Variants in ZHX1 observed in about 807,000 individuals in gnomAD.
The protein encoded by ZHX1 is zinc fingers and homeoboxes 1.
ZHX1 carries 20 observed loss-of-function variants against 61.8 expected under a neutral mutation model. That is an observed-to-expected ratio of 0.32 (90% CI 0.23 to 0.47). ZHX1 has a LOEUF of 0.47. ZHX1 is among the 20% of genes least tolerant of loss of function. The pLI, the probability that ZHX1 is intolerant of heterozygous loss-of-function variation, is 1.00. For missense variants in ZHX1, 800 were observed against 1,034.8 expected, an observed-to-expected ratio of 0.77 and a Z score of 3.11; for synonymous variants, 318 against 352.6, an observed-to-expected ratio of 0.90 and a Z score of 1.10.
At chr8:123,265,921 T>C (rs547478625) in intron 2 of ZHX1, among the ~76,000 whole-genome samples, 26 of 152,212 alleles carry the variant, frequency 1.7e-4, no homozygotes, top group Non-Finnish European at 3.4e-4. Context: ...TATCTGTTTT[T>C]TTCCATCTGA....
rs141199553 is a variant in ZHX1, at chr8:123,253,517, G to A, written c.2430C>T (p.Gly810=). 1.4e-3 allele frequency: 2,273 copies of A among 1,614,042 alleles called. 2 individuals carry two copies. The highest frequency in any genetic ancestry group is 1.9e-3 in the Non-Finnish European group (2,202 of 1,179,994). Residue 810 remains glycine (G), a synonymous_variant, in exon 3 of 4, where the codon GGC becomes GGT. Coordinates refer to ENST00000395571, the MANE Select transcript of ZHX1 (RefSeq NM_007222.5). The part of the protein sequence containing the change: ...LDELVNKSHM[G]YEQVREWFAE... The stretch of plus-strand genomic sequence containing the variant: ...CAAACCACTCTCTGACCTGCTCATA[G>A]CCCATATGTGATTTGTTAACAAGTT...
intron 1 of ZHX1, among the ~76,000 whole-genome samples, chr8:123,269,787 T>C (rs951579384): frequency 1.2e-4 from 18 of 152,344 alleles, no homozygotes; most frequent in African/African-American, 4.3e-4. Context: ...TAGAACACAA[T>C]GAATGTTAGC....
At chr8:123,262,276 T>C (rs1225126510) in intron 2 of ZHX1, among the ~76,000 whole-genome samples, 1 of 152,234 alleles carries the variant, frequency 6.6e-6, no homozygotes, top group Non-Finnish European at 1.5e-5. Context: ...TTAATTGCTA[T>C]ACTGCCATTA....
intron 2 of ZHX1, among the ~76,000 whole-genome samples, chr8:123,266,820 T>A (rs1563814653): frequency 6.6e-6 from 1 of 152,200 alleles, no homozygotes; most frequent in East Asian, 1.9e-4. Flanking sequence ...ACTCTTATAA[T>A]TAACTATTAT....
intron 1 of ZHX1, among the ~76,000 whole-genome samples, chr8:123,269,270 T>C (rs772142124): frequency 2.0e-5 from 3 of 152,198 alleles, no homozygotes; most frequent in Non-Finnish European, 4.4e-5. Flanking sequence ...AATTGCAAGA[T>C]ATTTTACCGA....
In ZHX1 at chr8:123,254,124, G is replaced by C. The variant is rs755548464; in HGVS notation, c.1823C>G (p.Thr608Ser). 1 of 1,614,060 alleles carries C rather than the reference G, an allele frequency of 6.2e-7. No homozygotes were observed. Among genetic ancestry groups the C allele is most frequent in the East Asian group, 2.2e-5 (1 of 44,888 alleles). ...LNRLRAQTKL[T>S]RREIDAWFTE... ...AAACCAAGCATCGATTTCTCTTCTG[G>C]TAAGTTTGGTTTGTGCCCTTAACCT... Residue 608 changes from threonine to serine, a missense_variant, in exon 3 of 4, where the codon ACC becomes AGC. Coordinates refer to ENST00000395571, the MANE Select transcript of ZHX1 (RefSeq NM_007222.5). This position sits in a 1 kb window ranked among gnomAD's most constrained non-coding sequence, Gnocchi z 4.1.
upstream of ZHX1, among the ~76,000 whole-genome samples, chr8:123,275,089 A>G (rs1233078074): frequency 6.6e-6 from 1 of 152,140 alleles, no homozygotes; most frequent in Non-Finnish European, 1.5e-5. Context: ...GGCAAGGCGG[A>G]GCCGCCCTCT....
At chr8:123,264,426 C>T (rs1008292410) in intron 2 of ZHX1, among the ~76,000 whole-genome samples, 3 of 152,192 alleles carry the variant, frequency 2.0e-5, no homozygotes, top group Non-Finnish European at 2.9e-5. Context: ...AACAGAGCCA[C>T]AACTGCACTG....
At chr8:123,257,847 G>C (rs1826121717) in intron 2 of ZHX1, among the ~76,000 whole-genome samples, 1 of 152,132 alleles carries the variant, frequency 6.6e-6, no homozygotes, top group Non-Finnish European at 1.5e-5. Context: ...TGGCACAGGG[G>C]TTGGGGACCC....
intron 2 of ZHX1, 35 bp from the exon 3 acceptor site, chr8:123,256,206 G>T: frequency 3.1e-6 from 1 of 327,790 alleles, no homozygotes; most frequent in Non-Finnish European, 5.7e-6. Flanking sequence ...GTTTTAAAAT[G>T]AGTAACTATG....
intron 1 of ZHX1, among the ~76,000 whole-genome samples, chr8:123,271,842 A>C (rs1318116952): frequency 6.6e-6 from 1 of 152,232 alleles, no homozygotes; most frequent in Non-Finnish European, 1.5e-5. Context: ...ATCATGCATG[A>C]ACTACCCCCC....
chr8:123,254,081 T>G lies in ZHX1; in HGVS notation c.1866A>C (p.Ser622=), dbSNP rs1329811056. Residue 622 remains serine, a synonymous_variant, in exon 3 of 4, where the codon TCA becomes TCC. Coordinates refer to ENST00000395571, the MANE Select transcript of ZHX1 (RefSeq NM_007222.5). This position sits in a 1 kb window ranked among gnomAD's most constrained non-coding sequence, Gnocchi z 4.1. ...IDAWFTEKKK[S]KALKEEKMEI... ...CCATTTTCTCTTCCTTTAAAGCTTT[T>G]GATTTCTTCTTCTCTGTAAACCAAG... The G allele has an allele frequency of 6.2e-7, 1 of 1,614,114 alleles. No individual in the cohort carries two copies.
In ZHX1 at chr8:123,255,962, A is replaced by G. The variant is rs1586823997; in HGVS notation, c.-16T>C. ...TGCTTGCCATTCTGATGTTATGAGG[A>G]AAAGCTCAGTGGTGATTAAAAAGCA... is the stretch of plus-strand genomic sequence containing the variant. On this transcript the variant is annotated 5_prime_UTR_variant, in exon 3 of 4. Coordinates refer to ENST00000395571, the MANE Select transcript of ZHX1 (RefSeq NM_007222.5). 1 of 1,591,636 alleles carries G rather than the reference A, an allele frequency of 6.3e-7. No homozygotes were observed. The highest frequency in any genetic ancestry group is 8.6e-7 in the Non-Finnish European group (1 of 1,168,102).
chr8:123,274,274 G>A lies in ZHX1; in HGVS notation c.-397C>T, dbSNP rs1826768097. 2.0e-5 allele frequency: 3 copies of A among 152,782 alleles called. No individual in the cohort carries two copies. Among genetic ancestry groups the A allele is most frequent in the Admixed American group, 1.3e-4 (2 of 15,288 alleles). 9.5% of individuals were successfully genotyped at this position (152,782 alleles called of 1,614,324 possible). On this transcript the variant is annotated 5_prime_UTR_variant, in exon 1 of 4. Transcript: ENST00000395571. ...CCGCCGCCATCTTGCATTTCAAACCGGCTGCACTTTTCAGGGAGTCAACTC... is the reference window on the plus strand; with the variant it reads ...CCGCCGCCATCTTGCATTTCAAACCAGCTGCACTTTTCAGGGAGTCAACTC...
At chr8:123,274,392 G>C (rs1274239637), upstream of ZHX1, 16 of 152,258 alleles carry the variant, frequency 1.1e-4, no homozygotes, top group East Asian at 1.9e-4. Flanking sequence ...GACTCAGGGT[G>C]GGGGTGCGAG....
rs747187364 is a variant in ZHX1 at position 123,254,442 on chromosome 8, C to T, written c.1505G>A (p.Gly502Asp). 3 of 1,614,110 alleles carry T rather than the reference C, an allele frequency of 1.9e-6. No individual in the cohort carries two copies. The South Asian group carries it at 3.3e-5, about 18-fold the overall frequency. The change falls in exon 3 of 4, where the codon GGC (glycine) becomes GAC (aspartate). Residue 502 changes from glycine (G) to aspartate (D), a missense_variant. Coordinates refer to ENST00000395571, the MANE Select transcript of ZHX1 (RefSeq NM_007222.5). This position sits in a 1 kb window ranked among gnomAD's most constrained non-coding sequence, Gnocchi z 4.1. ...SEIIRLMKITGLTKGEIKKWF... is the reference protein window; with the variant it reads ...SEIIRLMKITDLTKGEIKKWF... ...TTTTTTAATCTCTCCTTTCGTCAGG[C>T]CTGTTATTTTCATAAGTCTGATAAT...
At chr8:123,253,262 C>T in intron 3 of ZHX1, 60 bp downstream of exon 3, 1 of 1,351,690 alleles carries the variant, frequency 7.4e-7, no homozygotes, top group Non-Finnish European at 1.0e-6. Flanking sequence ...AACAAGGTGA[C>T]TGTTCAAAAT....
Position 123,253,474 on chromosome 8 carries a change from A to G in ZHX1, c.2473T>C (p.Ser825Pro), listed in dbSNP as rs753678182. ...REWFAERQRR[S>P]ELGIELFEEN... ...TCAAATAATTCTATACCTAATTCTG[A>G]TCTTCTCTGTCTTTCTGCAAACCAC... The change falls in exon 3 of 4, where the codon TCA becomes CCA. Residue 825 changes from serine to proline, a missense_variant. Physicochemically the swap from Ser to Pro is moderately conservative, Grantham distance 74 (BLOSUM62 -1). Transcript: ENST00000395571. The G allele has an allele frequency of 3.1e-6, 5 of 1,613,848 alleles. No homozygotes were observed. The highest frequency in any genetic ancestry group is 4.5e-5 in the East Asian group (2 of 44,884).
At chr8:123,251,535 A>C (rs998050782) in intron 3 of ZHX1, among the ~76,000 whole-genome samples, 2 of 152,234 alleles carry the variant, frequency 1.3e-5, no homozygotes, top group African/African-American at 4.8e-5. Flanking sequence ...AGAAAAATTC[A>C]CATTATTTTT....
Sources: gnomAD v4.1 joint callset for allele counts (sites outside exome capture counted in the v4.1 genomes callset) on GRCh38, gnomAD v4.1.1 for gene constraint, Gnocchi (gnomAD v3.1) non-coding constraint, MANE v1.5 for transcripts, NCBI Gene and HGNC (gene_info 2026-07-23, HGNC 2026-07-21) for gene names.